The following MFAP5 variants were observed in gnomAD, a reference collection of about 807,000 sequenced individuals.
The protein encoded by MFAP5 is microfibril associated protein 5, also known as microfibrillar-associated protein 5.
A neutral mutation model predicts 30.1 loss-of-function variants in MFAP5; 19 were observed. That is an observed-to-expected ratio of 0.63 (90% confidence interval 0.44 to 0.93). The LOEUF is 0.93. Among genes scored for constraint, MFAP5 ranks in the 40% least tolerant of loss-of-function variants. The pLI is 0.00. For synonymous variants in MFAP5, 92 were observed against 72.9 expected, an observed-to-expected ratio of 1.26 and a Z score of -1.33; for missense variants, 210 against 221.3, an observed-to-expected ratio of 0.95 and a Z score of 0.32.
In MFAP5 at chr12:8,656,625, TAC is replaced by T. The variant is rs1223209541; in HGVS notation, c.95-797_95-796del. Among the ~76,000 whole-genome samples the T allele has an allele frequency of 9.8e-3, 1,193 of 121,246 alleles. 19 individuals are homozygous for T. The highest frequency in any genetic ancestry group is 0.013 in the Non-Finnish European group (814 of 62,190). 79.5% of individuals were successfully genotyped at this position (121,246 alleles called of 152,430 possible). A position where few individuals can be genotyped will look rare whatever the true frequency, so the allele number is the denominator to read the frequency against. ...ACACACACACATATATATACACACA[TAC>T]ACACACACACACACACACACACATA... On this transcript the variant is annotated intron_variant, in intron 3 of 9. Coordinates refer to ENST00000359478, the MANE Select transcript of MFAP5 (RefSeq NM_003480.4).
At chr12:8,652,445 AAAATAAATAAAT>A (rs56176308) in intron 6 of MFAP5, among the ~76,000 whole-genome samples, 40 of 147,668 alleles carry the variant, frequency 2.7e-4, no homozygotes, top group Admixed American at 3.4e-4. Context: ...ACTCCATCTC[AAAATAAATAAAT>A]AAATAAATAA....
intron 2 of MFAP5, 139 bp downstream of exon 2, chr12:8,661,905 GTTC>G: frequency 3.5e-6 from 3 of 849,508 alleles, no homozygotes; most frequent in Non-Finnish European, 5.8e-6. Flanking sequence ...CACAAAATCT[GTTC>G]TTCTAATAGG....
intron 5 of MFAP5, among the ~76,000 whole-genome samples, chr12:8,655,050 C>T (rs35565662): frequency 0.072 from 10,946 of 151,614 alleles, 473 homozygotes; most frequent in Middle Eastern, 0.11. Context: ...AATCCCAGCA[C>T]TTTGGGAGGC....
At position 8,657,276 on chromosome 12, in the gene MFAP5, T is replaced by A. The variant is rs140269215; in HGVS notation, c.95-1446A>T. ...GTTTCCTGTAAATACAAAATTAGCC[T>A]GGCGTGGTGGTGCACGCCTGTAATC... On this transcript the variant is annotated intron_variant, in intron 3 of 9. Coordinates refer to ENST00000359478, the MANE Select transcript of MFAP5 (RefSeq NM_003480.4). Among the ~76,000 whole-genome samples the A allele has an allele frequency of 5.2e-4, 79 of 152,128 alleles. 2 individuals are homozygous for A. The highest frequency in any genetic ancestry group is 1.7e-3 in the African/African-American group (70 of 41,540).
At chr12:8,655,584 C>T in intron 4 of MFAP5, 137 bp from the exon 5 acceptor site, 3 of 1,019,990 alleles carry the variant, frequency 2.9e-6, no homozygotes, top group Non-Finnish European at 4.3e-6. Flanking sequence ...AGATGAGGGA[C>T]TATCGCAGAA....
chr12:8,654,791 C>T (rs982463991), intron 5 of MFAP5, among the ~76,000 whole-genome samples: 20 of 151,630 alleles, frequency 1.3e-4, no homozygotes, highest in African/African-American at 4.4e-4. Flanking sequence ...AGTAAAAATA[C>T]GGAAATTAGC....
intron 6 of MFAP5, among the ~76,000 whole-genome samples, chr12:8,652,143 G>C (rs1297369471): frequency 6.6e-6 from 1 of 152,026 alleles, no homozygotes; most frequent in Non-Finnish European, 1.5e-5. Context: ...GAAGCTGTTG[G>C]GTAAAGAATA....
chr12:8,658,568 C>A (rs867456087), intron 3 of MFAP5: 1 of 152,128 alleles, frequency 6.6e-6, no homozygotes, highest in African/African-American at 2.4e-5. Context: ...GGAGCCTCTC[C>A]CGGGTGTAGC....
At position 8,651,051 on chromosome 12, in the gene MFAP5, C is replaced by T. The variant is rs190015440; in HGVS notation, c.248-462G>A. Among the ~76,000 whole-genome samples, 371 of 152,196 alleles carry T rather than the reference C, an allele frequency of 2.4e-3. 3 individuals carry two copies. Among genetic ancestry groups the T allele is most frequent in the African/African-American group, 8.5e-3 (352 of 41,538 alleles). On this transcript the variant is annotated intron_variant, in intron 7 of 9. Coordinates refer to ENST00000359478, the MANE Select transcript of MFAP5 (RefSeq NM_003480.4). ...GAGTGGTGGCAGTTGCCTGTAATCT[C>T]AGCTACTCGGGAGGCTGAGGCGGGA...
chr12:8,657,894 A>C (rs1188569434), intron 3 of MFAP5, among the ~76,000 whole-genome samples: 5 of 152,116 alleles, frequency 3.3e-5, no homozygotes, highest in Non-Finnish European at 7.4e-5. Flanking sequence ...TTAACTTCAG[A>C]TTCTATTAAT....
intron 1 of MFAP5, 158 bp downstream of exon 1, chr12:8,662,469 G>T: frequency 4.5e-6 from 1 of 223,678 alleles, no homozygotes; most frequent in South Asian, 6.7e-5. Flanking sequence ...TGCTCATCTT[G>T]GCGTCTCCTT....
chr12:8,655,547 C>G (rs999910097), intron 4 of MFAP5, 100 bp from the exon 5 acceptor site: 2 of 1,291,692 alleles, frequency 1.5e-6, no homozygotes, highest in African/African-American at 3.0e-5. Context: ...GCAAGAAAGG[C>G]TGAAGTGAAA....
At chr12:8,660,749 CTTTTTT>C in intron 3 of MFAP5, 108 bp downstream of exon 3, 13 of 650,078 alleles carry the variant, frequency 2.0e-5, no homozygotes, top group South Asian at 5.2e-5. Flanking sequence ...AGGAAATATT[CTTTTTT>C]TTTTTTTTTT....
At position 8,647,954 on chromosome 12, in the gene MFAP5, T is replaced by C. The variant is rs1233382391; in HGVS notation, c.*137A>G. 2 of 568,400 alleles carry C rather than the reference T, an allele frequency of 3.5e-6. No individual in the cohort carries two copies. Among genetic ancestry groups the C allele is most frequent in the Non-Finnish European group, 6.2e-6 (2 of 320,054 alleles). 35.2% of individuals were successfully genotyped at this position (568,400 alleles called of 1,614,324 possible). On this transcript the variant is annotated 3_prime_UTR_variant, in exon 10 of 10. Coordinates refer to ENST00000359478, the MANE Select transcript of MFAP5 (RefSeq NM_003480.4). ...TCAGTTTGGGTGAAAAAGTAGAGAG[T>C]AGGGGTAAAAGCTGGACATTGCAAA...
rs902478899 is a variant in MFAP5 at position 8,646,657 on chromosome 12, G to A, written c.*1434C>T. 6.6e-6 allele frequency: 1 copy of A among 151,680 alleles called. No individual in the cohort carries two copies. Among genetic ancestry groups the A allele is most frequent in the African/African-American group, 2.4e-5 (1 of 41,318 alleles). The allele number at this position is 151,680 out of a possible 1,614,324, so 9.4% of individuals were successfully genotyped here. A position where few individuals can be genotyped will look rare whatever the true frequency, so the allele number is the denominator to read the frequency against. ...AATATATATATATATTTCTTAAGAT[G>A]GACTTTTGCTTTTGTCACCCAGGCT... is the stretch of plus-strand genomic sequence containing the variant. On this transcript the variant is annotated 3_prime_UTR_variant, in exon 10 of 10. Transcript: ENST00000359478.
intron 2 of MFAP5, among the ~76,000 whole-genome samples, chr12:8,661,332 G>A (rs1292078230): frequency 6.6e-6 from 1 of 152,152 alleles, no homozygotes; most frequent in Non-Finnish European, 1.5e-5. Flanking sequence ...AAAAAATAGA[G>A]TAGGACATCT....
chr12:8,656,668 A>ATATATATTT (rs1174790172), intron 3 of MFAP5, among the ~76,000 whole-genome samples: 1 of 118,788 alleles, frequency 8.4e-6, no homozygotes, highest in African/African-American at 3.5e-5. Context: ...ATATATATAT[A>ATATATATTT]TTTTTTTTTT....
At chr12:8,654,412 C>G (rs1253184071) in intron 6 of MFAP5, 25 bp downstream of exon 6, 1 of 1,586,248 alleles carries the variant, frequency 6.3e-7, no homozygotes, top group South Asian at 1.2e-5. Context: ...CCCTGATGAC[C>G]TGGGGGTCCC....
chr12:8,655,863 TTC>T (rs779274678), intron 3 of MFAP5, 33 bp from the exon 4 acceptor site: 3 of 1,587,884 alleles, frequency 1.9e-6, no homozygotes, highest in Admixed American at 3.3e-5. Context: ...ATTTCTGAGA[TTC>T]TCTGTCTCCC....
Sources: gnomAD v4.1 joint callset for allele counts (sites outside exome capture counted in the v4.1 genomes callset) on GRCh38, gnomAD v4.1.1 for gene constraint, MANE v1.5 for transcripts, NCBI Gene and HGNC (gene_info 2026-07-23, HGNC 2026-07-21) for gene names.